PCDH17: variants seen among roughly 807,000 people sequenced by gnomAD.
PCDH17 encodes protocadherin 17, also known as protocadherin-17.
In PCDH17, 21 loss-of-function variants were observed where a neutral mutation model predicts 67.7. That is an observed-to-expected ratio of 0.31 (90% CI 0.22 to 0.45). The LOEUF (loss-of-function observed/expected upper bound fraction) is 0.45. Ranked by LOEUF, PCDH17 falls within the 20% of genes least tolerant of loss-of-function variation. PCDH17 has a pLI of 1.00. For synonymous variants in PCDH17, 701 were observed against 656.7 expected (o/e 1.07, Z -1.03); for missense variants, 1,471 against 1,564.8 (o/e 0.94, Z 1.01).
chr13:57,646,444 G>A (rs569848155), intron 1 of PCDH17, among the ~76,000 whole-genome samples: 27 of 151,732 alleles, frequency 1.8e-4, no homozygotes, highest in South Asian at 4.1e-4. Flanking sequence ...TGGGGTACAT[G>A]TGAAGTTGTA....
chr13:57,683,325 A>T (rs1955474759), intron 3 of PCDH17, among the ~76,000 whole-genome samples: 3 of 151,908 alleles, frequency 2.0e-5, no homozygotes, highest in Admixed American at 6.6e-5. Context: ...TGGGCTGTTA[A>T]GTAGTATTGG....
intron 3 of PCDH17, 92 bp downstream of exon 3, chr13:57,666,925 A>T: frequency 1.0e-6 from 1 of 963,562 alleles, no homozygotes; most frequent in Non-Finnish European, 1.5e-6. Flanking sequence ...TCACAGTGGA[A>T]TGGACCATTT....
Position 57,729,165 on chromosome 13 carries a change from T to G in PCDH17, c.*3871T>G, listed in dbSNP as rs1955934930. 6.6e-6 allele frequency: 1 copy of G among 152,304 alleles called. No individual in the cohort carries two copies. Among genetic ancestry groups the G allele is most frequent in the South Asian group, 2.1e-4 (1 of 4,830 alleles). The allele number at this position is 152,304 out of a possible 1,614,324, so 9.4% of individuals were successfully genotyped here. On this transcript the variant is annotated 3_prime_UTR_variant, in exon 4 of 4. Coordinates refer to ENST00000377918, the MANE Select transcript of PCDH17 (RefSeq NM_001040429.3). ...ATCAGCCCATCACTCCATAAAGTTCTTAGCTGCACCAAGTGATTGGTGAAC... is the reference window on the plus strand; with the variant it reads ...ATCAGCCCATCACTCCATAAAGTTCGTAGCTGCACCAAGTGATTGGTGAAC...
At chr13:57,695,998 C>A (rs1955603879) in intron 3 of PCDH17, among the ~76,000 whole-genome samples, 1 of 151,236 alleles carries the variant, frequency 6.6e-6, no homozygotes, top group African/African-American at 2.4e-5. Context: ...GGATTCAGGA[C>A]CCTCATTTGA....
Position 57,633,573 on chromosome 13 carries a change from G to C in PCDH17, c.1027G>C (p.Asp343His), listed in dbSNP as rs1461215427. The change falls in exon 1 of 4, where the codon GAC becomes CAC. Residue 343 changes from aspartate (D) to histidine (H), a missense_variant. Coordinates refer to ENST00000377918, the MANE Select transcript of PCDH17 (RefSeq NM_001040429.3). This position sits in a 1 kb window ranked among gnomAD's most constrained non-coding sequence, Gnocchi z 6.2. Reference protein sequence around the residue: ...AHCKVTVKLIDRNDNAPSIGF... With the variant: ...AHCKVTVKLIHRNDNAPSIGF... The stretch of plus-strand genomic sequence containing the variant: ...CTGCAAAGTCACGGTCAAGCTCATC[G>C]ACCGCAACGACAATGCGCCGTCCAT... 6.2e-7 allele frequency: 1 copy of C among 1,613,428 alleles called. No individual in the cohort carries two copies. Among genetic ancestry groups the C allele is most frequent in the Admixed American group, 1.7e-5 (1 of 60,026 alleles).
At chr13:57,666,387 T>G (rs985600579) in intron 1 of PCDH17, 81 bp from the exon 2 acceptor site, 1 of 1,058,726 alleles carries the variant, frequency 9.4e-7, no homozygotes, top group Non-Finnish European at 1.4e-6. Context: ...ATTAATCATT[T>G]TTCCACTAGG....
At chr13:57,664,024 C>T (rs2138020314) in intron 1 of PCDH17, among the ~76,000 whole-genome samples, 1 of 152,224 alleles carries the variant, frequency 6.6e-6, no homozygotes, top group South Asian at 2.1e-4. Flanking sequence ...CAGTCTCAGC[C>T]TCCTGAGCAG....
intron 3 of PCDH17, among the ~76,000 whole-genome samples, chr13:57,668,308 C>T (rs1334054591): frequency 6.6e-5 from 10 of 151,918 alleles, no homozygotes; most frequent in Non-Finnish European, 1.3e-4. Context: ...GTGAATGACA[C>T]ATAAAATGAT....
intron 3 of PCDH17, among the ~76,000 whole-genome samples, chr13:57,718,554 T>C (rs976260274): frequency 2.0e-5 from 3 of 151,998 alleles, no homozygotes; most frequent in Admixed American, 1.3e-4. Flanking sequence ...TCTATTATTA[T>C]AACAAGTGTA....
chr13:57,664,954 C>A (rs938237755), intron 1 of PCDH17, among the ~76,000 whole-genome samples: 3 of 152,200 alleles, frequency 2.0e-5, no homozygotes, highest in Admixed American at 2.0e-4. Flanking sequence ...TTCACTGAAT[C>A]TAGAAATTAC....
intron 3 of PCDH17, among the ~76,000 whole-genome samples, chr13:57,717,895 G>T (rs1335317775): frequency 6.6e-6 from 1 of 151,768 alleles, no homozygotes; most frequent in African/African-American, 2.4e-5. Flanking sequence ...TCTTTATGGG[G>T]CTGATTTTTT....
chr13:57,677,005 TTAAC>T (rs1955398631), intron 3 of PCDH17, among the ~76,000 whole-genome samples: 1 of 151,928 alleles, frequency 6.6e-6, no homozygotes, highest in Admixed American at 6.6e-5. Context: ...TTTTGAATTT[TTAAC>T]TAACTTTTTG....
chr13:57,724,688 C>G lies in PCDH17; in HGVS notation c.2874C>G (p.Phe958Leu), dbSNP rs765287730. ...CTGACAGGTGCTGGATGCCACAGTT[C>G]CCTGCAGCCAATCAGGCTGAAAATG... The part of the protein sequence containing the change: ...GHSDRCWMPQ[F>L]PAANQAENAD... The change falls in exon 4 of 4, where the codon TTC becomes TTG. Residue 958 changes from phenylalanine to leucine, a missense_variant. Phe to Leu is a conservative substitution (Grantham distance 22). This residue lies in a region of PCDH17 where 297 missense variants were observed against 298.6 expected (regional missense o/e 0.99). Coordinates refer to ENST00000377918, the MANE Select transcript of PCDH17 (RefSeq NM_001040429.3). The G allele has an allele frequency of 6.2e-7, 1 of 1,613,904 alleles. No homozygotes were observed. The highest frequency in any genetic ancestry group is 1.1e-5 in the South Asian group (1 of 91,080).
rs1024578110 is a variant in PCDH17 at position 57,728,396 on chromosome 13, G to A, written c.*3102G>A. ...AAAAGCCCACACATACAAAATATGT[G>A]ATGTGATACCACTTTGTCTTTTAGG... On this transcript the variant is annotated 3_prime_UTR_variant, in exon 4 of 4. Coordinates refer to ENST00000377918, the MANE Select transcript of PCDH17 (RefSeq NM_001040429.3). 1.3e-5 allele frequency: 2 copies of A among 151,362 alleles called. No individual in the cohort carries two copies. Among genetic ancestry groups the A allele is most frequent in the Non-Finnish European group, 2.9e-5 (2 of 67,852 alleles). The allele number at this position is 151,362 out of a possible 1,614,324, so 9.4% of individuals were successfully genotyped here.
At chr13:57,660,599 A>T (rs1955171024) in intron 1 of PCDH17, among the ~76,000 whole-genome samples, 1 of 152,178 alleles carries the variant, frequency 6.6e-6, no homozygotes, top group Non-Finnish European at 1.5e-5. Context: ...ATGACTGTTC[A>T]TACATGTGTA....
chr13:57,652,623 G>C (rs1387228103), intron 1 of PCDH17, among the ~76,000 whole-genome samples: 1 of 152,138 alleles, frequency 6.6e-6, no homozygotes, highest in Non-Finnish European at 1.5e-5. Flanking sequence ...TTCTACAAAA[G>C]AACTGTTGTA....
intron 3 of PCDH17, among the ~76,000 whole-genome samples, chr13:57,670,715 G>A (rs189915703): frequency 2.4e-4 from 36 of 151,436 alleles, no homozygotes; most frequent in African/African-American, 8.2e-4. Context: ...TGTTAATAAT[G>A]GTTTTCCTTT....
rs768912037 is a variant in PCDH17, at chr13:57,634,861, G to A, written c.2315G>A (p.Ser772Asn). The change falls in exon 1 of 4, where the codon AGC becomes AAC. Residue 772 changes from serine (S) to asparagine (N), a missense_variant. Coordinates refer to ENST00000377918, the MANE Select transcript of PCDH17 (RefSeq NM_001040429.3). The surrounding 1 kb of genome is among the most constrained non-coding windows in gnomAD (Gnocchi z 7.8). ...AAAAATGATATCATGCTGGTGCAGAGCGAAGTGGAGGAGAGGAACGCCATG... is the reference window on the plus strand; with the variant it reads ...AAAAATGATATCATGCTGGTGCAGAACGAAGTGGAGGAGAGGAACGCCATG... Reference protein sequence around the residue: ...INKNDIMLVQSEVEERNAMNV... With the variant: ...INKNDIMLVQNEVEERNAMNV... 1.9e-6 allele frequency: 3 copies of A among 1,614,116 alleles called. No homozygotes were observed. The South Asian group carries it at 3.3e-5, about 18-fold the overall frequency.
chr13:57,655,692 A>C (rs774220128), intron 1 of PCDH17, among the ~76,000 whole-genome samples: 24 of 152,052 alleles, frequency 1.6e-4, no homozygotes, highest in Non-Finnish European at 3.2e-4. Flanking sequence ...TTATCGATCA[A>C]AGAAAAATCT....
Sources: allele counts gnomAD v4.1 joint callset (sites outside exome capture counted in the v4.1 genomes callset), GRCh38; gene constraint gnomAD v4.1.1; regional missense constraint gnomAD v4.1.1; non-coding constraint Gnocchi (gnomAD v3.1); transcripts MANE v1.5; gene names NCBI Gene and HGNC (gene_info 2026-07-23, HGNC 2026-07-21).